Variants in GTF2A1 observed in about 807,000 individuals in gnomAD.
The protein encoded by GTF2A1 is general transcription factor IIA subunit 1, also known as transcription initiation factor IIA subunit 1.
GTF2A1 carries 12 observed loss-of-function variants against 54.1 expected under a neutral mutation model. The ratio of observed to expected loss-of-function variants is 0.22; its 90% confidence interval spans 0.14 to 0.36. The LOEUF is 0.36. Ranked by LOEUF, GTF2A1 falls within the 10% of genes least tolerant of loss-of-function variation. The pLI is 1.00. For synonymous variants in GTF2A1, 145 were observed against 152.0 expected (o/e 0.95, Z 0.34); for missense variants, 335 against 442.2 (o/e 0.76, Z 2.17).
At chr14:81,217,409 C>T (rs1387270594) in intron 1 of GTF2A1, among the ~76,000 whole-genome samples, 1 of 152,214 alleles carries the variant, frequency 6.6e-6, no homozygotes, top group Non-Finnish European at 1.5e-5. Flanking sequence ...GAAGTCATGT[C>T]AGATGACAAA....
chr14:81,194,728 G>A (rs188736252), intron 6 of GTF2A1, among the ~76,000 whole-genome samples: 51 of 152,258 alleles, frequency 3.3e-4, no homozygotes, highest in Admixed American at 7.8e-4. Flanking sequence ...CTGGGAGCAT[G>A]GCAAGAAATA....
intron 6 of GTF2A1, among the ~76,000 whole-genome samples, chr14:81,193,429 G>C (rs1193396014): frequency 1.3e-5 from 2 of 152,112 alleles, no homozygotes; most frequent in Non-Finnish European, 2.9e-5. Context: ...AAAGTGCTGG[G>C]ATTACAGGCG....
intron 3 of GTF2A1, chr14:81,202,647 A>T (rs746813275): frequency 1.2e-5 from 6 of 513,856 alleles, no homozygotes; most frequent in Non-Finnish European, 2.3e-5. Context: ...AGTCGGAAAA[A>T]ATACAAATCA....
At chr14:81,202,778 T>C (rs758337836) in intron 3 of GTF2A1, 6 of 517,948 alleles carry the variant, frequency 1.2e-5, no homozygotes, top group African/African-American at 1.2e-4. Flanking sequence ...AATTTTAATT[T>C]ATGATGACCT....
At chr14:81,203,354 A>C (rs1443734578) in intron 3 of GTF2A1, among the ~76,000 whole-genome samples, 1 of 152,240 alleles carries the variant, frequency 6.6e-6, no homozygotes, top group African/African-American at 2.4e-5. Flanking sequence ...ACTTAAAATA[A>C]ATCTAATTCA....
chr14:81,202,952 A>C (rs761633893), intron 3 of GTF2A1: 10 of 369,306 alleles, frequency 2.7e-5, no homozygotes, highest in Non-Finnish European at 5.2e-5. Flanking sequence ...GTGTGTCATT[A>C]CCAATTTTAA....
chr14:81,207,980 T>G (rs1238995539), intron 2 of GTF2A1, among the ~76,000 whole-genome samples: 2 of 151,962 alleles, frequency 1.3e-5, no homozygotes, highest in Non-Finnish European at 2.9e-5. Context: ...TTCAGAAAAT[T>G]TGCAGCCTGA....
rs1296182876 is a variant in GTF2A1, at chr14:81,192,785, G to C, written c.667C>G (p.Pro223Ala). ...TTTCCTGTAAATAAGATTTGCTGAGGCTGGATGATGACACCTGTCTGTGGT... is the reference window on the plus strand; with the variant it reads ...TTTCCTGTAAATAAGATTTGCTGAGCCTGGATGATGACACCTGTCTGTGGT... ...ISPQTGVIIQ[P>A]QQILFTGNKT... Residue 223 changes from proline (P) to alanine (A), a missense_variant, in exon 7 of 9, where the codon CCT (proline) becomes GCT (alanine). Physicochemically the swap from Pro to Ala is conservative, Grantham distance 27 (BLOSUM62 -1). Around this residue, in one of 2 missense-constraint regions of GTF2A1, gnomAD observed 306 missense variants for 360.4 expected, o/e 0.85. Coordinates refer to ENST00000553612, the MANE Select transcript of GTF2A1 (RefSeq NM_015859.4). 1 of 1,613,394 alleles carries C rather than the reference G, an allele frequency of 6.2e-7. No individual in the cohort carries two copies. The highest frequency in any genetic ancestry group is 8.5e-7 in the Non-Finnish European group (1 of 1,179,410).
chr14:81,213,271 C>T (rs543067921), intron 2 of GTF2A1, among the ~76,000 whole-genome samples: 1 of 152,144 alleles, frequency 6.6e-6, no homozygotes, highest in East Asian at 1.9e-4. Context: ...AGTGTGTTAC[C>T]TATAAAATAT....
chr14:81,200,679 C>T (rs1893086345), intron 4 of GTF2A1, among the ~76,000 whole-genome samples: 1 of 150,606 alleles, frequency 6.6e-6, no homozygotes, highest in Non-Finnish European at 1.5e-5. Flanking sequence ...ATTTCTAGTA[C>T]TAACTAGTTA....
chr14:81,219,575 G>C (rs1338619402), intron 1 of GTF2A1, among the ~76,000 whole-genome samples: 2 of 152,244 alleles, frequency 1.3e-5, no homozygotes, highest in Non-Finnish European at 2.9e-5. Flanking sequence ...CCAACGGTAC[G>C]GTGTCGGGCG....
chr14:81,198,170 C>A (rs540236957), intron 4 of GTF2A1, among the ~76,000 whole-genome samples: 1 of 152,308 alleles, frequency 6.6e-6, no homozygotes, highest in Admixed American at 6.5e-5. Flanking sequence ...TCACACCAGG[C>A]AGACTGGCTC....
At chr14:81,193,612 T>G (rs1311080296) in intron 6 of GTF2A1, among the ~76,000 whole-genome samples, 1 of 152,232 alleles carries the variant, frequency 6.6e-6, no homozygotes, top group African/African-American at 2.4e-5. Context: ...TAAAAAGTAC[T>G]GATACCTTGG....
In GTF2A1 at chr14:81,217,070, G is replaced by C. The variant is rs1280079679; in HGVS notation, c.31-556C>G. 2.0e-5 allele frequency among the ~76,000 whole-genome samples: 3 copies of C among 152,268 alleles called. No homozygotes were observed. The East Asian group carries it at 5.8e-4, about 29-fold the overall frequency. ...CAATGGCAGGTCTTAAGGTCCCAAGGAACAAGGTATACTGATTTCCTTCCC... is the reference window on the plus strand; with the variant it reads ...CAATGGCAGGTCTTAAGGTCCCAAGCAACAAGGTATACTGATTTCCTTCCC... On this transcript the variant is annotated intron_variant, in intron 1 of 8. Transcript: ENST00000553612.
rs752549063 is a variant in GTF2A1 at position 81,180,177 on chromosome 14, AT to A, written c.*45del. 40 of 827,214 alleles carry A rather than the reference AT, an allele frequency of 4.8e-5. No individual in the cohort carries two copies. Among genetic ancestry groups the A allele is most frequent in the South Asian group, 8.3e-5 (5 of 60,350 alleles). The allele number at this position is 827,214 out of a possible 1,614,324, so 51.2% of individuals were successfully genotyped here. ...CCAAGTTTCAAACTGTCCGCTTTAC[AT>A]TTTTTTTAAGTTTCTTTTATTTATA... On this transcript the variant is annotated 3_prime_UTR_variant, in exon 9 of 9. Transcript: ENST00000553612.
chr14:81,185,842 C>A (rs754765346), intron 7 of GTF2A1, among the ~76,000 whole-genome samples: 2 of 152,096 alleles, frequency 1.3e-5, no homozygotes, highest in Non-Finnish European at 2.9e-5. Flanking sequence ...ATTTTTAAGT[C>A]TGAAAAGATG....
chr14:81,220,530 A>G lies in GTF2A1; in HGVS notation c.-12T>C. The stretch of plus-strand genomic sequence containing the variant: ...GCCGAGTTCGCCATTTCCACACACA[A>G]CACAAACAAGAGGGGGCAACCCCAA... On this transcript the variant is annotated 5_prime_UTR_variant, in exon 1 of 9. Transcript: ENST00000553612. 1 of 1,568,608 alleles carries G rather than the reference A, an allele frequency of 6.4e-7. No individual in the cohort carries two copies.
At chr14:81,213,132 A>C (rs973466283) in intron 2 of GTF2A1, among the ~76,000 whole-genome samples, 5 of 152,224 alleles carry the variant, frequency 3.3e-5, no homozygotes, top group Non-Finnish European at 5.9e-5. Context: ...ATCTATTATC[A>C]AACACTTCAA....
intron 1 of GTF2A1, among the ~76,000 whole-genome samples, chr14:81,218,348 T>A (rs1244651052): frequency 6.6e-6 from 1 of 152,192 alleles, no homozygotes; most frequent in Non-Finnish European, 1.5e-5. Flanking sequence ...CTTAATGAAC[T>A]CACAACTTGA....
Sources: gnomAD v4.1 joint callset for allele counts (sites outside exome capture counted in the v4.1 genomes callset) on GRCh38, gnomAD v4.1.1 for gene constraint, gnomAD v4.1.1 regional missense constraint, MANE v1.5 for transcripts, NCBI Gene and HGNC (gene_info 2026-07-23, HGNC 2026-07-21) for gene names.